ADCY7: variants seen among roughly 807,000 people sequenced by gnomAD.
ADCY7 encodes adenylate cyclase 7.
In ADCY7, 72 loss-of-function variants were observed where a neutral mutation model predicts 120.6. That is an observed-to-expected ratio of 0.60 (90% CI 0.49 to 0.73). The LOEUF (loss-of-function observed/expected upper bound fraction) is 0.73, where lower values mean the gene tolerates loss of function less well. Among genes scored for constraint, ADCY7 ranks in the 30% least tolerant of loss-of-function variants. The pLI, the probability that ADCY7 is intolerant of heterozygous loss-of-function variation, is 0.00. For synonymous variants in ADCY7, 661 were observed against 628.0 expected, an observed-to-expected ratio of 1.05 and a Z score of -0.78; for missense variants, 1,227 against 1,486.0, an observed-to-expected ratio of 0.83 and a Z score of 2.87.
intron 24 of ADCY7, 54 bp downstream of exon 24, chr16:50,314,460 C>T: frequency 7.2e-7 from 1 of 1,396,664 alleles, no homozygotes; most frequent in South Asian, 1.2e-5. Flanking sequence ...GGCCAGTCCA[C>T]CCAGTCTGTG....
chr16:50,252,803 C>G (rs937921663), intron 1 of ADCY7, among the ~76,000 whole-genome samples: 1 of 152,028 alleles, frequency 6.6e-6, no homozygotes, highest in African/African-American at 2.4e-5. Context: ...TTTTAAAGTA[C>G]AGAAACAATT....
In ADCY7 at chr16:50,317,346, T is replaced by C; in HGVS notation, c.*1841T>C. The C allele has an allele frequency of 6.6e-6, 1 of 152,528 alleles. No individual in the cohort carries two copies. Among genetic ancestry groups the C allele is most frequent in the East Asian group, 1.9e-4 (1 of 5,324 alleles). 9.4% of individuals were successfully genotyped at this position (152,528 alleles called of 1,614,324 possible). ...GGCTGGTTTCACATGAATACTATAC[T>C]GAAATCTGTGCTCTCAAGATCTAGC... On this transcript the variant is annotated 3_prime_UTR_variant, in exon 26 of 26. Coordinates refer to ENST00000673801, the MANE Select transcript of ADCY7 (RefSeq NM_001114.5).
At chr16:50,299,564 A>G (rs2035582384) in intron 8 of ADCY7, among the ~76,000 whole-genome samples, 1 of 152,212 alleles carries the variant, frequency 6.6e-6, no homozygotes, top group Admixed American at 6.5e-5. Flanking sequence ...AGGCCCAGCC[A>G]GGCTGACCAG....
In ADCY7 at chr16:50,316,579, C is replaced by T. The variant is rs978388930; in HGVS notation, c.*1074C>T. ...TTCAAAACTAGAAGGATCTACTCCG[C>T]ATGGGTGCATGCAGAGGCTCCTGGA... On this transcript the variant is annotated 3_prime_UTR_variant, in exon 26 of 26. Transcript: ENST00000673801. 1.3e-5 allele frequency: 2 copies of T among 152,354 alleles called. No individual in the cohort carries two copies. Among genetic ancestry groups the T allele is most frequent in the Admixed American group, 6.5e-5 (1 of 15,286 alleles). 9.4% of individuals were successfully genotyped at this position (152,354 alleles called of 1,614,324 possible). A position where few individuals can be genotyped will look rare whatever the true frequency, so the allele number is the denominator to read the frequency against.
intron 1 of ADCY7, among the ~76,000 whole-genome samples, chr16:50,286,044 C>G (rs975727937): frequency 6.6e-6 from 1 of 152,026 alleles, no homozygotes; most frequent in African/African-American, 2.4e-5. Context: ...ACTCAGCTCC[C>G]TTTTCTGTGA....
chr16:50,304,501 G>A lies in ADCY7; in HGVS notation c.1510G>A (p.Glu504Lys), dbSNP rs1435605929. 1.9e-6 allele frequency: 3 copies of A among 1,603,608 alleles called. No homozygotes were observed. Among genetic ancestry groups the A allele is most frequent in the Non-Finnish European group, 1.7e-6 (2 of 1,175,016 alleles). The change falls in exon 11 of 26, where the codon GAG (glutamate) becomes AAG (lysine). Residue 504 changes from glutamate to lysine, a missense_variant. Physicochemically the swap from Glu to Lys is moderately conservative, Grantham distance 56 (BLOSUM62 1). This residue lies in a region of ADCY7 where 332 missense variants were observed against 455.8 expected (regional missense o/e 0.73). Coordinates refer to ENST00000673801, the MANE Select transcript of ADCY7 (RefSeq NM_001114.5). ...GCCCTTTGCACATCTCAACCACCGT[G>A]AGAGCGTGAGCAGTGGTGAGACCCA... ...ARPFAHLNHR[E>K]SVSSGETHVP...
intron 1 of ADCY7, among the ~76,000 whole-genome samples, chr16:50,272,627 T>A (rs1014743539): frequency 2.8e-4 from 43 of 152,268 alleles, no homozygotes; most frequent in African/African-American, 1.0e-3. Context: ...GCCTCACTCA[T>A]GGGAGGGATG....
chr16:50,308,433 C>T (rs369660482), intron 16 of ADCY7, 22 bp downstream of exon 16: 90 of 1,613,630 alleles, frequency 5.6e-5, no homozygotes, highest in Middle Eastern at 1.7e-4. Context: ...GCTCTGGCCC[C>T]GCGGGCCCTC....
At chr16:50,293,088 C>T (rs1013742959) in intron 5 of ADCY7, among the ~76,000 whole-genome samples, 2 of 152,196 alleles carry the variant, frequency 1.3e-5, no homozygotes, top group African/African-American at 4.8e-5. Context: ...GCTGCTCACC[C>T]ATCAGCTTAG....
At chr16:50,260,631 T>C (rs1381771792) in intron 1 of ADCY7, among the ~76,000 whole-genome samples, 1 of 152,228 alleles carries the variant, frequency 6.6e-6, no homozygotes. Context: ...GGTTCTCTGA[T>C]GAGGTTGCAA....
At chr16:50,278,218 T>G (rs2034024472) in intron 1 of ADCY7, among the ~76,000 whole-genome samples, 1 of 152,152 alleles carries the variant, frequency 6.6e-6, no homozygotes, top group Admixed American at 6.5e-5. Flanking sequence ...TTTTGTATTT[T>G]TTAATAGAAA....
At chr16:50,313,453 G>A in intron 22 of ADCY7, 1 of 184,964 alleles carries the variant, frequency 5.4e-6, no homozygotes, top group Non-Finnish European at 1.1e-5. Context: ...AAACGACGTG[G>A]CCCGCCTGGG....
chr16:50,261,230 G>C (rs2033049459), intron 1 of ADCY7, among the ~76,000 whole-genome samples: 1 of 152,202 alleles, frequency 6.6e-6, no homozygotes, highest in Non-Finnish European at 1.5e-5. Context: ...TCTGTGGAGA[G>C]GTCTATGGCA....
At chr16:50,253,064 A>G (rs1408403726) in intron 1 of ADCY7, among the ~76,000 whole-genome samples, 1 of 152,128 alleles carries the variant, frequency 6.6e-6, no homozygotes, top group Non-Finnish European at 1.5e-5. Flanking sequence ...AGTGTTACAG[A>G]CATCAGCAGC....
At chr16:50,270,806 G>A (rs2033519785) in intron 1 of ADCY7, among the ~76,000 whole-genome samples, 1 of 152,208 alleles carries the variant, frequency 6.6e-6, no homozygotes, top group South Asian at 2.1e-4. Flanking sequence ...GGGCTAGCTG[G>A]GTGAAAACCC....
chr16:50,301,180 T>C lies in ADCY7; in HGVS notation c.1334T>C (p.Met445Thr). The C allele has an allele frequency of 1.2e-6, 2 of 1,610,062 alleles. No homozygotes were observed. The highest frequency in any genetic ancestry group is 1.1e-5 in the South Asian group (1 of 90,408). ...GQQRDPYLKE[M>T]NIRTYLVIDP... ...CAGCGGGACCCCTACCTCAAGGAGATGAACATCCGCACCTACCTGGTCATC... is the reference window on the plus strand; with the variant it reads ...CAGCGGGACCCCTACCTCAAGGAGACGAACATCCGCACCTACCTGGTCATC... Residue 445 changes from methionine (M) to threonine (T), a missense_variant, in exon 10 of 26, where the codon ATG becomes ACG. By Grantham distance (81) the Met-to-Thr change is moderately conservative. This residue lies in a region of ADCY7 where 332 missense variants were observed against 455.8 expected (regional missense o/e 0.73). Coordinates refer to ENST00000673801, the MANE Select transcript of ADCY7 (RefSeq NM_001114.5).
chr16:50,298,676 A>C lies in ADCY7; in HGVS notation c.949-228A>C, dbSNP rs966711286. Among the ~76,000 whole-genome samples, 6 of 152,108 alleles carry C rather than the reference A, an allele frequency of 3.9e-5. No homozygotes were observed. In the South Asian group the frequency reaches 6.2e-4, roughly 16 times the overall value. On this transcript the variant is annotated intron_variant, in intron 7 of 25. Transcript: ENST00000673801. ...AGACCCCTCCCCGAGGCCCTTAGGA[A>C]CACTCGTGTTCACCTCTGGTGCTTG...
chr16:50,267,973 TC>T (rs1486398801), intron 1 of ADCY7, among the ~76,000 whole-genome samples: 1 of 152,154 alleles, frequency 6.6e-6, no homozygotes, highest in Non-Finnish European at 1.5e-5. Flanking sequence ...TACCTGCAGC[TC>T]CTGGTGCAGA....
rs545059286 is a variant in ADCY7 at position 50,293,442 on chromosome 16, G to A, written c.776G>A (p.Arg259His). The stretch of plus-strand genomic sequence containing the variant: ...GAACGGCTCAAGGAGCATGGTGACC[G>A]TCGCTGCATGCCTGACAACAACTTC... The part of the protein sequence containing the change: ...IIERLKEHGD[R>H]RCMPDNNFHS... The change falls in exon 6 of 26, where the codon CGT (arginine) becomes CAT (histidine). Residue 259 changes from arginine (R) to histidine (H), a missense_variant. Arg to His is a conservative substitution (Grantham distance 29). This residue lies in a region of ADCY7 where 382 missense variants were observed against 411.4 expected (regional missense o/e 0.93). Coordinates refer to ENST00000673801, the MANE Select transcript of ADCY7 (RefSeq NM_001114.5). 4.5e-5 allele frequency: 72 copies of A among 1,614,044 alleles called. No individual in the cohort carries two copies. The East Asian group carries it at 5.1e-4, about 11-fold the overall frequency.
Sources: allele counts gnomAD v4.1 joint callset (sites outside exome capture counted in the v4.1 genomes callset), GRCh38; gene constraint gnomAD v4.1.1; regional missense constraint gnomAD v4.1.1; transcripts MANE v1.5; gene names NCBI Gene and HGNC (gene_info 2026-07-23, HGNC 2026-07-21).